OR56A5: variants seen among roughly 807,000 people sequenced by gnomAD.
OR56A5 encodes olfactory receptor 56A5.
In OR56A5, 10 loss-of-function variants were observed where a neutral mutation model predicts 13.8. The ratio of observed to expected loss-of-function variants is 0.73; its 90% confidence interval spans 0.45 to 1.23. The LOEUF (loss-of-function observed/expected upper bound fraction) is 1.23, where lower values mean the gene tolerates loss of function less well. OR56A5 is among the 50% of genes most tolerant of loss of function. The pLI is 0.00. For missense variants in OR56A5, 377 were observed against 370.9 expected, an observed-to-expected ratio of 1.02 and a Z score of -0.13; for synonymous variants, 156 against 150.8, an observed-to-expected ratio of 1.03 and a Z score of -0.25.
chr11:5,967,925 G>T lies in OR56A5; in HGVS notation c.570C>A (p.Leu190=). Residue 190 remains leucine, a synonymous_variant, in exon 1 of 1, where the codon CTC becomes CTA. Transcript: ENST00000532411. The stretch of plus-strand genomic sequence containing the variant: ...GATTCAAGGTGATGTCATCACAAGA[G>T]AGTTTAGACACAGACACGTTAGTAC... ...CICTNVSVSK[L]SCDDITLNQS... 1 of 1,595,168 alleles carries T rather than the reference G, an allele frequency of 6.3e-7. No homozygotes were observed. The highest frequency in any genetic ancestry group is 8.5e-7 in the Non-Finnish European group (1 of 1,169,612).
rs116341877 is a variant in OR56A5 at position 5,967,719 on chromosome 11, A to G, written c.776T>C (p.Leu259Pro). ...ILILFFTTVL[L>P]VLVITNLARK... The stretch of plus-strand genomic sequence containing the variant: ...GGCCAGGTTAGTGATGACCAGAACC[A>G]GCAGGACTGTGGTGAAGAAGAGGAT... Residue 259 changes from leucine to proline, a missense_variant, in exon 1 of 1, where the codon CTG becomes CCG. Coordinates refer to ENST00000532411, the MANE Select transcript of OR56A5 (RefSeq NM_001146033.1). 341 of 1,612,816 alleles carry G rather than the reference A, an allele frequency of 2.1e-4. 1 individual carries two copies. In the African/African-American group the frequency reaches 3.6e-3, roughly 17 times the overall value.
Position 5,967,625 on chromosome 11 carries a change from C to T in OR56A5, c.870G>A (p.Leu290=). The T allele has an allele frequency of 6.2e-7, 1 of 1,613,890 alleles. No individual in the cohort carries two copies. The highest frequency in any genetic ancestry group is 8.5e-7 in the Non-Finnish European group (1 of 1,179,944). The part of the protein sequence containing the change: ...NILHHLIPPA[L]NPIVYGVRTK... ...TTCTCACACCATAAACAATGGGGTTCAGAGCTGGGGGAATAAGGTGGTGCA... is the reference window on the plus strand; with the variant it reads ...TTCTCACACCATAAACAATGGGGTTTAGAGCTGGGGGAATAAGGTGGTGCA... The change falls in exon 1 of 1, where the codon CTG becomes CTA. Residue 290 remains leucine, a synonymous_variant. Transcript: ENST00000532411.
Sources: gnomAD v4.1 joint callset for allele counts on GRCh38, gnomAD v4.1.1 for gene constraint, MANE v1.5 for transcripts, NCBI Gene and HGNC (gene_info 2026-07-23, HGNC 2026-07-21) for gene names.